Variants in OARD1 observed in about 807,000 individuals in gnomAD.
The protein encoded by OARD1 is ADP-ribose glycohydrolase OARD1.
OARD1 carries 19 observed loss-of-function variants against 19.7 expected under a neutral mutation model. The observed-to-expected ratio is 0.96, with a 90% CI of 0.67 to 1.41. The LOEUF (loss-of-function observed/expected upper bound fraction) is 1.41, where lower values mean the gene tolerates loss of function less well. Ranked by LOEUF, OARD1 falls within the 40% of genes most tolerant of loss-of-function variation. OARD1 has a pLI of 0.00. For missense variants in OARD1, 190 were observed against 183.8 expected, an observed-to-expected ratio of 1.03 and a Z score of -0.20; for synonymous variants, 70 against 61.8, an observed-to-expected ratio of 1.13 and a Z score of -0.62.
intron 1 of OARD1, among the ~76,000 whole-genome samples, chr6:41,094,201 A>G (rs1764283330): frequency 6.6e-6 from 1 of 152,178 alleles, no homozygotes; most frequent in African/African-American, 2.4e-5. Flanking sequence ...ACAGTCTTAC[A>G]GTAGTTATAT....
chr6:41,066,274 G>C lies in OARD1; in HGVS notation c.*1061C>G, dbSNP rs927260790. The C allele has an allele frequency of 6.6e-6, 1 of 151,974 alleles. No individual in the cohort carries two copies. Among genetic ancestry groups the C allele is most frequent in the Non-Finnish European group, 1.5e-5 (1 of 67,986 alleles). 9.4% of individuals were successfully genotyped at this position (151,974 alleles called of 1,614,324 possible). A position where few individuals can be genotyped will look rare whatever the true frequency, so the allele number is the denominator to read the frequency against. On this transcript the variant is annotated 3_prime_UTR_variant, in exon 6 of 6. Coordinates refer to ENST00000424266, the MANE Select transcript of OARD1 (RefSeq NM_001329686.2). ...CTAGAGTAGCTGGAACTACAGGCCTGCACCACCAGGCCCAGCTAATTTTTA... is the reference window on the plus strand; with the variant it reads ...CTAGAGTAGCTGGAACTACAGGCCTCCACCACCAGGCCCAGCTAATTTTTA...
chr6:41,078,979 G>C (rs1051889526), intron 1 of OARD1: 7 of 827,076 alleles, frequency 8.5e-6, no homozygotes, highest in South Asian at 1.6e-5. Context: ...TGTCTGGTAA[G>C]GCCTTTATTG....
chr6:41,069,025 C>A, intron 4 of OARD1, 72 bp from the exon 5 acceptor site: 1 of 755,518 alleles, frequency 1.3e-6, no homozygotes, highest in Non-Finnish European at 2.2e-6. Flanking sequence ...ATTCCCCCAA[C>A]ATCCCAATAA....
intron 5 of OARD1, among the ~76,000 whole-genome samples, chr6:41,068,392 T>A (rs1040569332): frequency 9.9e-5 from 15 of 152,208 alleles, no homozygotes; most frequent in African/African-American, 3.1e-4. Context: ...AAAACAAGTG[T>A]GCAGTATAAA....
upstream of OARD1, chr6:41,072,600 A>C (rs1763529605): frequency 6.6e-6 from 1 of 152,474 alleles, no homozygotes; most frequent in Admixed American, 6.5e-5. Context: ...CCGCCCGCGC[A>C]TGCGTAACGA....
chr6:41,077,732 G>T (rs192038437), intron 1 of OARD1, among the ~76,000 whole-genome samples: 1 of 152,200 alleles, frequency 6.6e-6, no homozygotes, highest in Admixed American at 6.5e-5. Context: ...GATTATATTT[G>T]CTCCCTGTTG....
At chr6:41,089,975 G>A (rs1259337981) in intron 1 of OARD1, among the ~76,000 whole-genome samples, 1 of 152,138 alleles carries the variant, frequency 6.6e-6, no homozygotes, top group Admixed American at 6.5e-5. Flanking sequence ...GGTGGGCATG[G>A]TGGCGCATGC....
chr6:41,093,971 G>T (rs1206716460), intron 1 of OARD1, among the ~76,000 whole-genome samples: 1 of 152,198 alleles, frequency 6.6e-6, no homozygotes, highest in Non-Finnish European at 1.5e-5. Context: ...AGTGATTCAT[G>T]ATCATGCCAC....
intron 3 of OARD1, chr6:41,070,893 G>C (rs758067483): frequency 2.8e-4 from 172 of 603,632 alleles, no homozygotes; most frequent in Admixed American, 7.2e-4. Flanking sequence ...AAGTTTCAGA[G>C]AAGTACAGTA....
chr6:41,088,411 A>G (rs1166404105), intron 1 of OARD1, among the ~76,000 whole-genome samples: 1 of 130,102 alleles, frequency 7.7e-6, no homozygotes, highest in East Asian at 2.1e-4. Flanking sequence ...CCACAGAGCG[A>G]CACTCCGTCT....
chr6:41,078,102 A>C (rs577627906), intron 1 of OARD1, among the ~76,000 whole-genome samples: 5 of 152,176 alleles, frequency 3.3e-5, no homozygotes, highest in Non-Finnish European at 7.3e-5. Context: ...GTCTATTAAC[A>C]TCTTACTATA....
chr6:41,084,293 T>G (rs543694310), intron 1 of OARD1: 1 of 1,337,070 alleles, frequency 7.5e-7, no homozygotes, highest in Admixed American at 2.4e-5. Flanking sequence ...TTTAACTGCT[T>G]CCTAACCCAC....
rs1278681573 is a variant in OARD1 at position 41,067,299 on chromosome 6, CAGG to C, written c.*33_*35del. The stretch of plus-strand genomic sequence containing the variant: ...GTCCTATGGCCCAGTAGAGATGACA[CAGG>C]AGAACACGGAAACATCCAAAATGTT... On this transcript the variant is annotated 3_prime_UTR_variant, in exon 6 of 6. Transcript: ENST00000424266. 1.4e-6 allele frequency: 2 copies of C among 1,389,212 alleles called. No individual in the cohort carries two copies. The highest frequency in any genetic ancestry group is 1.0e-6 in the Non-Finnish European group (1 of 978,034). 86.1% of individuals were successfully genotyped at this position (1,389,212 alleles called of 1,614,324 possible).
intron 1 of OARD1, chr6:41,090,144 A>G (rs963868271): frequency 5.1e-6 from 6 of 1,166,270 alleles, no homozygotes; most frequent in Admixed American, 1.9e-5. Flanking sequence ...TAAGGACTAC[A>G]TCGTTCTTTG....
chr6:41,085,620 G>A (rs1764024262), intron 1 of OARD1, among the ~76,000 whole-genome samples: 1 of 152,146 alleles, frequency 6.6e-6, no homozygotes. Flanking sequence ...GTTTTCTGGA[G>A]GAATTTAAGT....
chr6:41,067,194 A>G lies in OARD1; in HGVS notation c.*141T>C, dbSNP rs1351502298. On this transcript the variant is annotated 3_prime_UTR_variant, in exon 6 of 6. Transcript: ENST00000424266. Reference sequence around the variant, plus strand: ...ACAGTCATAATCCAAATACTTGAATACAGCAACCAAAGTCTGTCTTGTTAA... The same window carrying G: ...ACAGTCATAATCCAAATACTTGAATGCAGCAACCAAAGTCTGTCTTGTTAA... 3 of 508,372 alleles carry G rather than the reference A, an allele frequency of 5.9e-6. No homozygotes were observed. Among genetic ancestry groups the G allele is most frequent in the African/African-American group, 5.7e-5 (3 of 52,280 alleles). The allele number at this position is 508,372 out of a possible 1,614,324, so 31.5% of individuals were successfully genotyped here.
intron 3 of OARD1, 138 bp from the exon 4 acceptor site, chr6:41,070,272 A>ATTG: frequency 1.6e-6 from 1 of 622,710 alleles, no homozygotes; most frequent in South Asian, 2.0e-5. Flanking sequence ...GGGAAGACCT[A>ATTG]TTGTCTCCCA....
intron 1 of OARD1, chr6:41,080,851 C>A (rs747532649): frequency 4.3e-5 from 70 of 1,613,936 alleles, no homozygotes; most frequent in Non-Finnish European, 5.8e-5. Flanking sequence ...CAGACTGAGG[C>A]CCAGGTGGCA....
rs139002466 is a variant in OARD1 at position 41,078,910 on chromosome 6, C to T, written c.-41-7235G>A. ...AAATGATACTGAATATAAGCATTTC[C>T]TATTCTCCTATCCTGTTTTCTTGCA... is the stretch of plus-strand genomic sequence containing the variant. On this transcript the variant is annotated intron_variant, in intron 1 of 4. Coordinates refer to the OARD1 transcript ENST00000480585. 2,623 of 534,518 alleles carry T rather than the reference C, an allele frequency of 4.9e-3. 11 individuals carry two copies. Among genetic ancestry groups the T allele is most frequent in the Non-Finnish European group, 7.0e-3 (2,071 of 296,542 alleles). The allele number at this position is 534,518 out of a possible 1,614,324, so 33.1% of individuals were successfully genotyped here.
Sources: gnomAD v4.1 joint callset for allele counts (sites outside exome capture counted in the v4.1 genomes callset) on GRCh38, gnomAD v4.1.1 for gene constraint, MANE v1.5 for transcripts, NCBI Gene and HGNC (gene_info 2026-07-23, HGNC 2026-07-21) for gene names.